CACNA2D3: variants seen among roughly 807,000 people sequenced by gnomAD.
The protein encoded by CACNA2D3 is voltage-dependent calcium channel subunit alpha-2/delta-3.
In CACNA2D3, 60 loss-of-function variants were observed where a neutral mutation model predicts 160.6. The ratio of observed to expected loss-of-function variants is 0.37; its 90% confidence interval spans 0.30 to 0.46. CACNA2D3 has a LOEUF of 0.46. Among genes scored for constraint, CACNA2D3 ranks in the 20% least tolerant of loss-of-function variants. CACNA2D3 has a pLI of 1.00. For synonymous variants in CACNA2D3, 558 were observed against 492.9 expected, an observed-to-expected ratio of 1.13 and a Z score of -1.75; for missense variants, 1,205 against 1,365.0, an observed-to-expected ratio of 0.88 and a Z score of 1.85.
chr3:54,594,788 C>T (rs995707570), intron 9 of CACNA2D3, among the ~76,000 whole-genome samples: 2 of 152,076 alleles, frequency 1.3e-5, no homozygotes, highest in African/African-American at 4.8e-5. Context: ...GTGTCATTTC[C>T]AACTTTTACA....
intron 4 of CACNA2D3, among the ~76,000 whole-genome samples, chr3:54,455,253 C>T (rs1700377118): frequency 2.0e-5 from 3 of 152,052 alleles, no homozygotes; most frequent in South Asian, 2.1e-4. Context: ...TCCTCACCAA[C>T]ATTTGCTTTT....
rs570306179 is a variant in CACNA2D3 at position 54,783,621 on chromosome 3, TAAATAA to T, written c.1380+19290_1380+19295del. Among the ~76,000 whole-genome samples the T allele has an allele frequency of 6.9e-3, 1,040 of 151,506 alleles. 15 individuals carry two copies. The highest frequency in any genetic ancestry group is 0.023 in the African/African-American group (959 of 41,366). On this transcript the variant is annotated intron_variant, in intron 13 of 37. Transcript: ENST00000474759. ...ACTCCATCTCAAATAAATAAATAAA[TAAATAA>T]AAATAAAAATAAAAATAAATAATGA...
intron 17 of CACNA2D3, among the ~76,000 whole-genome samples, chr3:54,867,022 A>G (rs1471066589): frequency 6.6e-6 from 1 of 152,220 alleles, no homozygotes; most frequent in Non-Finnish European, 1.5e-5. Context: ...CTCTCAAAGT[A>G]TCTGTTTATA....
intron 11 of CACNA2D3, among the ~76,000 whole-genome samples, chr3:54,675,657 TG>T (rs1302016052): frequency 6.6e-6 from 1 of 152,168 alleles, no homozygotes; most frequent in Admixed American, 6.5e-5. Context: ...TGTGCATTCC[TG>T]GGGTGCCACT....
intron 2 of CACNA2D3, among the ~76,000 whole-genome samples, chr3:54,158,264 A>G (rs1204911807): frequency 6.6e-6 from 1 of 152,160 alleles, no homozygotes; most frequent in Non-Finnish European, 1.5e-5. Flanking sequence ...CATACCTGCT[A>G]ATTTAGCTCC....
At chr3:54,265,169 C>T (rs1202236204) in intron 2 of CACNA2D3, among the ~76,000 whole-genome samples, 1 of 152,150 alleles carries the variant, frequency 6.6e-6, no homozygotes, top group African/African-American at 2.4e-5. Context: ...CACTGTCTTC[C>T]ACAATGGTTG....
At chr3:54,251,837 G>T (rs889376195) in intron 2 of CACNA2D3, among the ~76,000 whole-genome samples, 7 of 152,164 alleles carry the variant, frequency 4.6e-5, no homozygotes, top group African/African-American at 1.7e-4. Context: ...ATATCAAAAT[G>T]ATACTGTCAT....
intron 2 of CACNA2D3, among the ~76,000 whole-genome samples, chr3:54,245,331 G>C (rs1485292893): frequency 1.3e-5 from 2 of 152,020 alleles, no homozygotes; most frequent in African/African-American, 4.8e-5. Flanking sequence ...GTGTGTGGGA[G>C]AGAGAGATTG....
chr3:54,350,991 T>TTTTTTTTTTTTTTTTTTTG (rs1698551366), intron 3 of CACNA2D3, among the ~76,000 whole-genome samples: 2 of 100,060 alleles, frequency 2.0e-5, no homozygotes, highest in Non-Finnish European at 4.1e-5. Context: ...TGTTTGTTTT[T>TTTTTTTTTTTTTTTTTTTG]TTTTTTTTTT....
At chr3:54,229,264 T>C (rs915740666) in intron 2 of CACNA2D3, among the ~76,000 whole-genome samples, 1 of 152,058 alleles carries the variant, frequency 6.6e-6, no homozygotes, top group African/African-American at 2.4e-5. Context: ...CTATCTTGGC[T>C]CACTGCAAGC....
intron 13 of CACNA2D3, among the ~76,000 whole-genome samples, chr3:54,809,572 C>T (rs1329125955): frequency 1.4e-5 from 2 of 140,876 alleles, no homozygotes; most frequent in Non-Finnish European, 3.0e-5. Flanking sequence ...CCCGCCTCGG[C>T]CTCCCAAAGT....
chr3:54,721,910 G>T (rs956712248), intron 11 of CACNA2D3, among the ~76,000 whole-genome samples: 18 of 152,274 alleles, frequency 1.2e-4, no homozygotes, highest in African/African-American at 3.4e-4. Context: ...TTCTCGAGGA[G>T]TATCTTTGTG....
intron 18 of CACNA2D3, among the ~76,000 whole-genome samples, chr3:54,876,739 G>C (rs1422157237): frequency 6.6e-6 from 1 of 152,184 alleles, no homozygotes; most frequent in East Asian, 1.9e-4. Context: ...CAGCACCTCA[G>C]AAGATAAGTT....
chr3:54,502,631 T>G (rs1185300804), intron 4 of CACNA2D3, among the ~76,000 whole-genome samples: 1 of 152,214 alleles, frequency 6.6e-6, no homozygotes, highest in Non-Finnish European at 1.5e-5. Flanking sequence ...ATACAGTAGA[T>G]TTAAGGACAG....
intron 18 of CACNA2D3, among the ~76,000 whole-genome samples, chr3:54,872,846 T>G (rs1391747956): frequency 6.6e-6 from 1 of 152,176 alleles, no homozygotes; most frequent in Non-Finnish European, 1.5e-5. Flanking sequence ...TGAGCTGACA[T>G]AGTGTCAGCT....
At chr3:54,585,333 G>A (rs1702741690) in intron 9 of CACNA2D3, among the ~76,000 whole-genome samples, 1 of 152,122 alleles carries the variant, frequency 6.6e-6, no homozygotes, top group Non-Finnish European at 1.5e-5. Context: ...TTACATATTT[G>A]TACCATAATA....
At chr3:54,389,338 C>G (rs1295851998) in intron 4 of CACNA2D3, among the ~76,000 whole-genome samples, 2 of 151,300 alleles carry the variant, frequency 1.3e-5, no homozygotes, top group African/African-American at 2.4e-5. Context: ...TCTTAGAAGG[C>G]AACTAATGCA....
At chr3:55,010,427 C>T (rs11708633) in intron 34 of CACNA2D3, among the ~76,000 whole-genome samples, 47,977 of 151,910 alleles carry the variant, frequency 0.32, 8,441 homozygotes, top group Non-Finnish European at 0.39. Context: ...AAAGAGTATC[C>T]GTAATTATAA....
At chr3:54,212,441 A>G (rs887696214) in intron 2 of CACNA2D3, among the ~76,000 whole-genome samples, 3 of 152,184 alleles carry the variant, frequency 2.0e-5, no homozygotes, top group Non-Finnish European at 4.4e-5. Flanking sequence ...CCTGGAATCA[A>G]TAGAAAGGAT....
Sources: gnomAD v4.1 joint callset for allele counts (sites outside exome capture counted in the v4.1 genomes callset) on GRCh38, gnomAD v4.1.1 for gene constraint, MANE v1.5 for transcripts, NCBI Gene and HGNC (gene_info 2026-07-23, HGNC 2026-07-21) for gene names.